The following EVI5 variants were observed in gnomAD, a reference collection of about 807,000 sequenced individuals.
The protein encoded by EVI5 is ecotropic viral integration site 5 protein homolog.
EVI5 carries 73 observed loss-of-function variants against 112.0 expected under a neutral mutation model. The ratio of observed to expected loss-of-function variants is 0.65; its 90% CI spans 0.54 to 0.79. The LOEUF is 0.79. Ranked by LOEUF, EVI5 falls within the 30% of genes least tolerant of loss-of-function variation. The pLI is 0.00. For missense variants in EVI5, 900 were observed against 968.8 expected, an observed-to-expected ratio of 0.93 and a Z score of 0.94; for synonymous variants, 305 against 319.9, an observed-to-expected ratio of 0.95 and a Z score of 0.50.
upstream of EVI5, among the ~76,000 whole-genome samples, chr1:92,785,457 T>C (rs1490596287): frequency 6.6e-6 from 1 of 152,200 alleles, no homozygotes; most frequent in Non-Finnish European, 1.5e-5. Context: ...TGGCACGCGG[T>C]GCTGACGCGC....
At chr1:92,751,972 C>T (rs767531445) in intron 1 of EVI5, among the ~76,000 whole-genome samples, 3 of 151,966 alleles carry the variant, frequency 2.0e-5, no homozygotes, top group Non-Finnish European at 2.9e-5. Context: ...GCCAAGATCA[C>T]GCCACTGCAC....
chr1:92,653,143 G>A (rs1214032193), intron 13 of EVI5, among the ~76,000 whole-genome samples: 1 of 152,174 alleles, frequency 6.6e-6, no homozygotes, highest in Non-Finnish European at 1.5e-5. Flanking sequence ...TATACTGGGA[G>A]CACAGCCATC....
chr1:92,675,131 T>G (rs894705250), intron 10 of EVI5, among the ~76,000 whole-genome samples: 1 of 152,158 alleles, frequency 6.6e-6, no homozygotes, highest in Non-Finnish European at 1.5e-5. Flanking sequence ...TCGCCTGCAC[T>G]CAGGAGTTCG....
intron 19 of EVI5, among the ~76,000 whole-genome samples, chr1:92,525,121 G>C (rs1034246429): frequency 6.6e-6 from 1 of 151,702 alleles, no homozygotes; most frequent in Non-Finnish European, 1.5e-5. Flanking sequence ...AATCACTGGC[G>C]CCCAGCCAGA....
At chr1:92,627,937 G>A (rs1451500456) in intron 14 of EVI5, among the ~76,000 whole-genome samples, 2 of 151,624 alleles carry the variant, frequency 1.3e-5, no homozygotes, top group Admixed American at 6.6e-5. Flanking sequence ...TACAGGCGCC[G>A]GCCACCATGC....
At chr1:92,629,928 G>T (rs916624584) in intron 14 of EVI5, among the ~76,000 whole-genome samples, 1 of 149,612 alleles carries the variant, frequency 6.7e-6, no homozygotes, top group Admixed American at 6.8e-5. Context: ...TTGGTATTTT[G>T]TCCTTGTGAT....
intron 9 of EVI5, among the ~76,000 whole-genome samples, chr1:92,685,984 C>A (rs1668458654): frequency 6.6e-6 from 1 of 152,044 alleles, no homozygotes; most frequent in African/African-American, 2.4e-5. Context: ...AAGGAGCTTG[C>A]ACCATTCCTT....
At chr1:92,647,876 A>G (rs1024952611) in intron 13 of EVI5, among the ~76,000 whole-genome samples, 10 of 151,734 alleles carry the variant, frequency 6.6e-5, no homozygotes, top group African/African-American at 2.4e-4. Flanking sequence ...AATAGCTGGG[A>G]TTACTAGACC....
chr1:92,733,801 C>T (rs1317250311), intron 2 of EVI5, among the ~76,000 whole-genome samples: 3 of 152,066 alleles, frequency 2.0e-5, no homozygotes, highest in South Asian at 2.1e-4. Flanking sequence ...AATTAATTAG[C>T]TTTCATTAGG....
At chr1:92,551,651 G>C (rs1666957054) in intron 19 of EVI5, among the ~76,000 whole-genome samples, 3 of 152,102 alleles carry the variant, frequency 2.0e-5, no homozygotes, top group Admixed American at 6.6e-5. Flanking sequence ...AATGGTTTTA[G>C]ATGTTTATAT....
intron 2 of EVI5, among the ~76,000 whole-genome samples, chr1:92,735,942 A>C (rs977462869): frequency 2.5e-4 from 37 of 150,114 alleles, no homozygotes; most frequent in Non-Finnish European, 4.1e-4. Flanking sequence ...CGGAATATGC[A>C]TTCCTAGCAG....
intron 2 of EVI5, among the ~76,000 whole-genome samples, chr1:92,734,688 A>G (rs1348654342): frequency 2.1e-5 from 2 of 95,828 alleles, no homozygotes; most frequent in African/African-American, 3.1e-5. Flanking sequence ...AAATAAGATA[A>G]AACTTCTGCT....
chr1:92,702,841 T>C (rs1158628293), intron 4 of EVI5, among the ~76,000 whole-genome samples: 2 of 151,624 alleles, frequency 1.3e-5, no homozygotes, highest in Admixed American at 1.3e-4. Context: ...AAAATTTATA[T>C]TGATGTATAT....
chr1:92,587,848 T>A (rs1051032512), intron 18 of EVI5, among the ~76,000 whole-genome samples: 7 of 152,224 alleles, frequency 4.6e-5, no homozygotes, highest in African/African-American at 1.7e-4. Context: ...ATAGATGTGC[T>A]TAGCCCACAG....
rs745360785 is a variant in EVI5, at chr1:92,773,705, T to C, written c.-82+11131A>G. On this transcript the variant is annotated intron_variant, in intron 1 of 19. Coordinates refer to ENST00000684568, the MANE Select transcript of EVI5 (RefSeq NM_001350197.2). ...CTACAGCAACCACAATAGGAATGATTCACATAGGTGTATAACTTTATCAAA... is the reference window on the plus strand; with the variant it reads ...CTACAGCAACCACAATAGGAATGATCCACATAGGTGTATAACTTTATCAAA... Among the ~76,000 whole-genome samples, 11 of 152,246 alleles carry C rather than the reference T, an allele frequency of 7.2e-5. No individual in the cohort carries two copies. In the South Asian group the frequency reaches 1.0e-3, roughly 14 times the overall value.
At chr1:92,777,756 G>A (rs760741881) in intron 1 of EVI5, among the ~76,000 whole-genome samples, 6 of 152,070 alleles carry the variant, frequency 3.9e-5, no homozygotes, top group Non-Finnish European at 7.4e-5. Context: ...CTCCCAAAAC[G>A]TTACTAAAAC....
intron 1 of EVI5, among the ~76,000 whole-genome samples, chr1:92,767,490 T>C (rs1682816124): frequency 6.6e-6 from 1 of 152,198 alleles, no homozygotes; most frequent in Admixed American, 6.5e-5. Flanking sequence ...AACTACTATA[T>C]ACGTAAAAGA....
At chr1:92,779,956 A>C (rs1048820906) in intron 1 of EVI5, among the ~76,000 whole-genome samples, 1 of 152,076 alleles carries the variant, frequency 6.6e-6, no homozygotes, top group African/African-American at 2.4e-5. Flanking sequence ...CTATCTCATA[A>C]ATTTATTTTC....
chr1:92,521,069 C>T (rs1208597856), intron 19 of EVI5, among the ~76,000 whole-genome samples: 1 of 151,694 alleles, frequency 6.6e-6, no homozygotes, highest in African/African-American at 2.4e-5. Flanking sequence ...TCAGGTGATC[C>T]TCCCACCACA....
Sources: gnomAD v4.1 joint callset for allele counts (sites outside exome capture counted in the v4.1 genomes callset) on GRCh38, gnomAD v4.1.1 for gene constraint, MANE v1.5 for transcripts, NCBI Gene and HGNC (gene_info 2026-07-23, HGNC 2026-07-21) for gene names.